The following ZNF521 variants were observed in gnomAD, a reference collection of about 807,000 sequenced individuals.
ZNF521 encodes LYST-interacting protein 3.
Under a neutral mutation model 105.5 loss-of-function variants are expected in ZNF521, and 14 were observed. The ratio of observed to expected loss-of-function variants is 0.13; its 90% CI spans 0.09 to 0.21. The LOEUF is 0.21. ZNF521 is among the 10% of genes least tolerant of loss of function. The pLI is 1.00. For missense variants in ZNF521, 1,233 were observed against 1,629.7 expected (o/e 0.76, Z 4.19); for synonymous variants, 635 against 606.0 (o/e 1.05, Z -0.70).
At chr18:25,261,104 G>A (rs755720621) in intron 3 of ZNF521, among the ~76,000 whole-genome samples, 1 of 152,088 alleles carries the variant, frequency 6.6e-6, no homozygotes, top group Non-Finnish European at 1.5e-5. Context: ...GGGTCTGAGA[G>A]GCAATTTGCA....
chr18:25,289,258 T>C (rs1369982365), intron 3 of ZNF521, among the ~76,000 whole-genome samples: 1 of 152,196 alleles, frequency 6.6e-6, no homozygotes. Context: ...ATCTTGTAAA[T>C]CTTAAATAAA....
intron 2 of ZNF521, chr18:25,345,139 T>C (rs558665950): frequency 3.3e-5 from 5 of 152,274 alleles, no homozygotes; most frequent in African/African-American, 9.6e-5. Flanking sequence ...CCTTTAAAAA[T>C]AGAGGGAGGC....
At chr18:25,194,966 T>C (rs2035878684) in intron 5 of ZNF521, among the ~76,000 whole-genome samples, 194 bp downstream of exon 5, 1 of 151,622 alleles carries the variant, frequency 6.6e-6, no homozygotes, top group Non-Finnish European at 1.5e-5. Flanking sequence ...TGCAGAAGTC[T>C]AAACTAGCCC....
At chr18:25,140,077 AT>A (rs2034817843) in intron 5 of ZNF521, among the ~76,000 whole-genome samples, 1 of 152,126 alleles carries the variant, frequency 6.6e-6, no homozygotes, top group Non-Finnish European at 1.5e-5. Flanking sequence ...CCCCTAGTTT[AT>A]GGTATATAGC....
chr18:25,260,692 T>TA, intron 3 of ZNF521, among the ~76,000 whole-genome samples: 1 of 152,326 alleles, frequency 6.6e-6, no homozygotes, highest in Non-Finnish European at 1.5e-5. Flanking sequence ...GATTTCCTAC[T>TA]ATTATAATTA....
chr18:25,096,046 T>C (rs1364329462), intron 5 of ZNF521, among the ~76,000 whole-genome samples: 1 of 152,196 alleles, frequency 6.6e-6, no homozygotes, highest in African/African-American at 2.4e-5. Flanking sequence ...CTGCTTTGAG[T>C]ATAATTAAGA....
rs1906058298 is a variant in ZNF521 at position 25,225,485 on chromosome 18, G to A, written c.2433C>T (p.Cys811=). 6.2e-7 allele frequency: 1 copy of A among 1,614,052 alleles called. No individual in the cohort carries two copies. Among genetic ancestry groups the A allele is most frequent in the African/African-American group, 1.3e-5 (1 of 74,922 alleles). Residue 811 remains cysteine (C), a synonymous_variant, in exon 4 of 8, where the codon TGC becomes TGT. Coordinates refer to ENST00000361524, the MANE Select transcript of ZNF521 (RefSeq NM_015461.3). This position sits in a 1 kb window ranked among gnomAD's most constrained non-coding sequence, Gnocchi z 5.6. Reference sequence around the variant, plus strand: ...CATGGAAGGCTTTGCTACAGAACTTGCAGTTGTACTTCTTACTGTGAGTGG... The same window carrying A: ...CATGGAAGGCTTTGCTACAGAACTTACAGTTGTACTTCTTACTGTGAGTGG... The part of the protein sequence containing the change: ...HITTHSKKYN[C]KFCSKAFHAI...
At chr18:25,132,230 T>C (rs909383744) in intron 5 of ZNF521, among the ~76,000 whole-genome samples, 7 of 152,212 alleles carry the variant, frequency 4.6e-5, no homozygotes, top group Admixed American at 2.0e-4. Context: ...TTTTAGGATA[T>C]GCTCCTCAAC....
At chr18:25,327,806 A>C (rs1280074408) in intron 2 of ZNF521, 8 of 407,416 alleles carry the variant, frequency 2.0e-5, no homozygotes, top group African/African-American at 4.1e-5. Flanking sequence ...TCTGTCCCGC[A>C]CTCGCCTGCT....
At position 25,188,986 on chromosome 18, in the gene ZNF521, A is replaced by AT. The variant is rs528020952; in HGVS notation, c.3658+6173dup. Among the ~76,000 whole-genome samples the AT allele has an allele frequency of 4.4e-3, 665 of 152,328 alleles. 1 individual carries two copies. The highest frequency in any genetic ancestry group is 6.7e-3 in the Non-Finnish European group (454 of 68,014). ...ATTAAAAAGTACACTAACTGCCAGT[A>AT]TTTTTTATTCTTGTAAATCAAAGCT... On this transcript the variant is annotated intron_variant, in intron 5 of 7. Transcript: ENST00000361524.
rs116187060 is a variant in ZNF521, at chr18:25,218,574, C to T, written c.3573+5771G>A. 9.7e-3 allele frequency among the ~76,000 whole-genome samples: 1,467 copies of T among 150,542 alleles called. 27 individuals are homozygous for T. Among genetic ancestry groups the T allele is most frequent in the African/African-American group, 0.035 (1,415 of 40,884 alleles). ...TCAGGAGGCTGAGCCAGGAGGATTG[C>T]TCAGGAGGTTGAGGCTGCAGTGACC... is the stretch of plus-strand genomic sequence containing the variant. On this transcript the variant is annotated intron_variant, in intron 4 of 7. Transcript: ENST00000361524.
intron 3 of ZNF521, among the ~76,000 whole-genome samples, chr18:25,292,618 T>C (rs1437775312): frequency 6.6e-6 from 1 of 152,006 alleles, no homozygotes; most frequent in Non-Finnish European, 1.5e-5. Flanking sequence ...CAAGATATAG[T>C]AGGTGGGTAT....
chr18:25,138,536 G>A (rs2034780377), intron 5 of ZNF521, among the ~76,000 whole-genome samples: 1 of 151,496 alleles, frequency 6.6e-6, no homozygotes, highest in African/African-American at 2.4e-5. Flanking sequence ...GGGGAGGACA[G>A]AGCTCAGGAA....
chr18:25,142,671 C>T (rs2034871179), intron 5 of ZNF521, among the ~76,000 whole-genome samples: 1 of 152,112 alleles, frequency 6.6e-6, no homozygotes, highest in Non-Finnish European at 1.5e-5. Context: ...AGCCAGCTCA[C>T]TACAAAATGC....
intron 2 of ZNF521, among the ~76,000 whole-genome samples, chr18:25,329,038 CT>C (rs910553285): frequency 3.9e-5 from 6 of 152,210 alleles, no homozygotes; most frequent in Non-Finnish European, 8.8e-5. Flanking sequence ...CTTGTCACAA[CT>C]TCAGTAAGCA....
chr18:25,106,620 C>T (rs1473835123), intron 5 of ZNF521, among the ~76,000 whole-genome samples: 2 of 152,124 alleles, frequency 1.3e-5, no homozygotes, highest in Non-Finnish European at 2.9e-5. Flanking sequence ...TTCATCTCCA[C>T]CCTCCCCAAT....
intron 5 of ZNF521, among the ~76,000 whole-genome samples, chr18:25,128,817 G>A (rs181277668): frequency 2.0e-5 from 3 of 151,816 alleles, no homozygotes; most frequent in Admixed American, 6.6e-5. Context: ...CAACATAAAT[G>A]GAAACATATT....
intron 5 of ZNF521, among the ~76,000 whole-genome samples, chr18:25,155,724 T>G (rs2035130843): frequency 1.3e-5 from 2 of 152,114 alleles, no homozygotes; most frequent in Non-Finnish European, 2.9e-5. Context: ...AAATTAGTTG[T>G]CCATATATGT....
rs563921062 is a variant in ZNF521, at chr18:25,084,672, G to C, written c.3906+4793C>G. Among the ~76,000 whole-genome samples the C allele has an allele frequency of 5.1e-4, 77 of 152,206 alleles. 1 individual carries two copies. The South Asian group carries it at 7.9e-3, about 16-fold the overall frequency. On this transcript the variant is annotated intron_variant, in intron 7 of 7. Coordinates refer to ENST00000361524, the MANE Select transcript of ZNF521 (RefSeq NM_015461.3). Reference sequence around the variant, plus strand: ...AATTTCAGAGCCTAAAGTTCAACTAGACCAATTTCTTCTACCCGTACTGCA... The same window carrying C: ...AATTTCAGAGCCTAAAGTTCAACTACACCAATTTCTTCTACCCGTACTGCA...
Sources: allele counts gnomAD v4.1 joint callset (sites outside exome capture counted in the v4.1 genomes callset), GRCh38; gene constraint gnomAD v4.1.1; non-coding constraint Gnocchi (gnomAD v3.1); transcripts MANE v1.5; gene names NCBI Gene and HGNC (gene_info 2026-07-23, HGNC 2026-07-21).